COL4A5: variants seen among roughly 807,000 people sequenced by gnomAD.
COL4A5 encodes collagen type IV alpha 5 chain, also known as collagen alpha-5(IV) chain.
A neutral mutation model predicts 130.2 loss-of-function variants in COL4A5; 26 were observed. That is an observed-to-expected ratio of 0.20 (90% CI 0.15 to 0.28). The LOEUF is 0.28. Ranked by LOEUF, COL4A5 falls within the 10% of genes least tolerant of loss-of-function variation. The probability of loss-of-function intolerance (pLI) is 1.00; values close to 1 mark genes in which losing one functional copy is unlikely to be tolerated. For synonymous variants in COL4A5, 496 were observed against 439.6 expected, an observed-to-expected ratio of 1.13 and a Z score of -1.60; for missense variants, 1,131 against 1,344.3, an observed-to-expected ratio of 0.84 and a Z score of 2.48.
At chrX:108,545,854 A>G (rs1489435894) in intron 2 of COL4A5, among the ~76,000 whole-genome samples, 1 of 111,130 alleles carries the variant, frequency 9.0e-6, no homozygotes, top group Non-Finnish European at 1.9e-5. Context: ...TCCCTTTACC[A>G]TTATGTAATG....
At chrX:108,630,906 T>C (rs1318554819) in intron 36 of COL4A5, among the ~76,000 whole-genome samples, 4 of 112,393 alleles carry the variant, frequency 3.6e-5, no homozygotes, top group East Asian at 2.8e-4. Flanking sequence ...ATTTATTAAA[T>C]AGGAAATACT....
At chrX:108,443,832 A>G (rs1478443376) in intron 1 of COL4A5, among the ~76,000 whole-genome samples, 1 of 111,965 alleles carries the variant, frequency 8.9e-6, no homozygotes, top group Non-Finnish European at 1.9e-5. Context: ...CCTGTTTCTC[A>G]TCATATATTT....
intron 36 of COL4A5, among the ~76,000 whole-genome samples, chrX:108,645,130 A>G (rs2067554284): frequency 9.0e-6 from 1 of 110,632 alleles, no homozygotes; most frequent in Admixed American, 9.7e-5. Flanking sequence ...CGAAAAGAGC[A>G]CAAACTGACA....
At chrX:108,478,263 T>C (rs1459418552) in intron 1 of COL4A5, among the ~76,000 whole-genome samples, 1 of 111,536 alleles carries the variant, frequency 9.0e-6, no homozygotes, top group African/African-American at 3.3e-5. Flanking sequence ...CAGGTGGCAA[T>C]CTTGACTTAC....
Position 108,675,823 on chromosome X carries a change from A to G in COL4A5, c.3808+1070A>G, listed in dbSNP as rs552888231. On this transcript the variant is annotated intron_variant, in intron 43 of 52. Transcript: ENST00000328300. ...AATAATAATTTTAAAAAGTCCTTCCATAGCTTCTACTATATACCAGGCACT... is the reference window on the plus strand; with the variant it reads ...AATAATAATTTTAAAAAGTCCTTCCGTAGCTTCTACTATATACCAGGCACT... Among the ~76,000 whole-genome samples the G allele has an allele frequency of 3.6e-5, 4 of 112,058 alleles. No homozygotes were observed. In the South Asian group the frequency reaches 1.1e-3, roughly 31 times the overall value.
intron 1 of COL4A5, among the ~76,000 whole-genome samples, chrX:108,468,333 A>G (rs2064728862): frequency 9.0e-6 from 1 of 111,529 alleles, no homozygotes; most frequent in Non-Finnish European, 1.9e-5. Context: ...CTTCCTTTCC[A>G]ATTTGGTTGT....
At chrX:108,559,786 G>T (rs886749830) in intron 3 of COL4A5, among the ~76,000 whole-genome samples, 1 of 112,007 alleles carries the variant, frequency 8.9e-6, no homozygotes, top group Admixed American at 9.5e-5. Context: ...TCATAAGAAG[G>T]TCTCCACCAA....
chrX:108,526,595 C>CCTTTCTTTCTTTCTTT (rs1166494631), intron 1 of COL4A5, among the ~76,000 whole-genome samples: 2 of 33,284 alleles, frequency 6.0e-5, no homozygotes, highest in Non-Finnish European at 1.1e-4. Context: ...CTCCCTCCCT[C>CCTTTCTTTCTTTCTTT]CTTTCTTTCT....
rs1569490500 is a variant in COL4A5, at chrX:108,578,162, T to C, written c.687+43T>C. The C allele has an allele frequency of 2.5e-6, 3 of 1,181,402 alleles. No homozygotes were observed. The South Asian group carries it at 5.4e-5, about 21-fold the overall frequency. On this transcript the variant is annotated intron_variant, in intron 12 of 52. Transcript: ENST00000328300. ...GCTGGTTATTCAGCCCTCAGCTTTC[T>C]CTTTTTGTAGTCATTTGAACTGTCT...
At chrX:108,480,304 T>A (rs893179313) in intron 1 of COL4A5, among the ~76,000 whole-genome samples, 28 of 112,539 alleles carry the variant, frequency 2.5e-4, no homozygotes, top group African/African-American at 8.7e-4. Context: ...CCCACACTAC[T>A]GGACCCCTAG....
intron 29 of COL4A5, among the ~76,000 whole-genome samples, chrX:108,614,552 TA>T (rs1023482176): frequency 1.3e-4 from 14 of 111,722 alleles, no homozygotes; most frequent in Non-Finnish European, 2.4e-4. Context: ...CCTGAGTTAG[TA>T]AAAAGGAAAA....
chrX:108,620,413 C>A lies in COL4A5; in HGVS notation c.2664C>A (p.Ala888=). The A allele has an allele frequency of 8.3e-7, 1 of 1,208,201 alleles. No homozygotes were observed. The highest frequency in any genetic ancestry group is 1.1e-6 in the Non-Finnish European group (1 of 893,085). ...GSPGLPGKAG[A]SGFPGTKGEM... is the part of the protein sequence containing the mutation. ...CAGGGCTTCCAGGAAAAGCAGGTGCCTCTGGATTTCCAGGTAATTTGTTTA... is the reference window on the plus strand; with the variant it reads ...CAGGGCTTCCAGGAAAAGCAGGTGCATCTGGATTTCCAGGTAATTTGTTTA... The change falls in exon 31 of 53, where the codon GCC becomes GCA. Residue 888 remains alanine (A), a synonymous_variant. Transcript: ENST00000328300.
intron 48 of COL4A5, among the ~76,000 whole-genome samples, chrX:108,686,357 A>T (rs1290973762): frequency 8.9e-6 from 1 of 112,397 alleles, no homozygotes; most frequent in Non-Finnish European, 1.9e-5. Context: ...TGGAAAACTC[A>T]GTTAAATTTT....
At chrX:108,635,592 C>T (rs2067337312) in intron 36 of COL4A5, among the ~76,000 whole-genome samples, 2 of 111,507 alleles carry the variant, frequency 1.8e-5, no homozygotes, top group South Asian at 3.7e-4. Flanking sequence ...TATGGAAGTG[C>T]AAGGAACCCA....
At chrX:108,636,729 T>C (rs1399766722) in intron 36 of COL4A5, among the ~76,000 whole-genome samples, 2 of 111,112 alleles carry the variant, frequency 1.8e-5, no homozygotes, top group African/African-American at 3.3e-5. Flanking sequence ...TTCTCCAGAA[T>C]AGACAATATA....
chrX:108,648,522 T>G (rs1245753451), intron 36 of COL4A5, among the ~76,000 whole-genome samples: 3 of 111,076 alleles, frequency 2.7e-5, no homozygotes, highest in African/African-American at 9.9e-5. Context: ...CAACAGCGTA[T>G]CAAAAAGATA....
chrX:108,474,804 C>T (rs951074433), intron 1 of COL4A5, among the ~76,000 whole-genome samples: 3 of 111,110 alleles, frequency 2.7e-5, no homozygotes, highest in Admixed American at 9.6e-5. Flanking sequence ...CATTTTCTTT[C>T]TTCTTTATGT....
chrX:108,599,810 C>T (rs909796320), intron 25 of COL4A5, among the ~76,000 whole-genome samples: 1 of 112,188 alleles, frequency 8.9e-6, no homozygotes, highest in African/African-American at 3.2e-5. Flanking sequence ...GGATGGTCCA[C>T]AAAGCCTAAA....
At chrX:108,572,664 T>A (rs1466004672) in intron 8 of COL4A5, among the ~76,000 whole-genome samples, 2 of 111,673 alleles carry the variant, frequency 1.8e-5, no homozygotes, top group East Asian at 5.6e-4. Flanking sequence ...TGCAATAACC[T>A]CTTACGTAGT....
Sources: gnomAD v4.1 joint callset for allele counts (sites outside exome capture counted in the v4.1 genomes callset) on GRCh38, gnomAD v4.1.1 for gene constraint, MANE v1.5 for transcripts, NCBI Gene and HGNC (gene_info 2026-07-23, HGNC 2026-07-21) for gene names.